The following RIMS3 variants were observed in gnomAD, a reference collection of about 807,000 sequenced individuals.
RIMS3 encodes regulating synaptic membrane exocytosis protein 3.
A neutral mutation model predicts 29.2 loss-of-function variants in RIMS3; 15 were observed. The ratio of observed to expected loss-of-function variants is 0.51; its 90% CI spans 0.34 to 0.79. RIMS3 has a LOEUF of 0.79. Among genes scored for constraint, RIMS3 ranks in the 30% least tolerant of loss-of-function variants. RIMS3 has a pLI of 0.01. For synonymous variants in RIMS3, 161 were observed against 170.1 expected (o/e 0.95, Z 0.41); for missense variants, 342 against 421.4 (o/e 0.81, Z 1.65).
chr1:40,679,293 A>G, the RIMS3 span, among the ~76,000 whole-genome samples: 4 of 152,080 alleles, frequency 2.6e-5, no homozygotes, highest in African/African-American at 9.7e-5. Context: ...TCCTCCCACC[A>G]TCCCCTCCCC....
At chr1:40,655,513 C>T (rs1285735890) in intron 1 of RIMS3, among the ~76,000 whole-genome samples, 1 of 152,178 alleles carries the variant, frequency 6.6e-6, no homozygotes, top group Admixed American at 6.5e-5. Context: ...CCAAAAGAAG[C>T]CCAAGCCAGG....
In RIMS3 at chr1:40,623,212, T is replaced by C; in HGVS notation, c.*3305A>G. The C allele has an allele frequency of 7.6e-6, 3 of 392,388 alleles. No individual in the cohort carries two copies. Among genetic ancestry groups the C allele is most frequent in the Non-Finnish European group, 4.5e-6 (1 of 222,730 alleles). The allele number at this position is 392,388 out of a possible 1,614,324, so 24.3% of individuals were successfully genotyped here. A position where few individuals can be genotyped will look rare whatever the true frequency, so the allele number is the denominator to read the frequency against. On this transcript the variant is annotated 3_prime_UTR_variant, in exon 8 of 8. Coordinates refer to ENST00000372684, the MANE Select transcript of RIMS3 (RefSeq NM_014747.3). ...ATCCCAAGAGCCTCCTAAGTGCTCC[T>C]TTCCTAGTAGAATTGGGTGGTAGAA...
At chr1:40,653,457 C>A (rs1240901648) in intron 1 of RIMS3, among the ~76,000 whole-genome samples, 1 of 152,094 alleles carries the variant, frequency 6.6e-6, no homozygotes, top group Non-Finnish European at 1.5e-5. Flanking sequence ...GCTCAGGATG[C>A]AGGAGGGAGG....
chr1:40,647,669 G>A lies in RIMS3; in HGVS notation c.-33C>T, dbSNP rs933949756. The A allele has an allele frequency of 6.6e-5, 10 of 152,134 alleles. No homozygotes were observed. The highest frequency in any genetic ancestry group is 2.1e-4 in the South Asian group (1 of 4,824). The allele number at this position is 152,134 out of a possible 1,614,324, so 9.4% of individuals were successfully genotyped here. A position where few individuals can be genotyped will look rare whatever the true frequency, so the allele number is the denominator to read the frequency against. On this transcript the variant is annotated splice_region_variant and 5_prime_UTR_variant, in exon 2 of 8. Coordinates refer to ENST00000372684, the MANE Select transcript of RIMS3 (RefSeq NM_014747.3). ...CACCTGGAAGAAAACCCAACTCACC[G>A]AACTGATGAATCTGAGCCTGGTGTT...
At chr1:40,646,732 C>T (rs1253631735) in intron 2 of RIMS3, among the ~76,000 whole-genome samples, 1 of 152,054 alleles carries the variant, frequency 6.6e-6, no homozygotes, top group Non-Finnish European at 1.5e-5. Flanking sequence ...TTCTTTTTAG[C>T]CCTTGGATGT....
intron 7 of RIMS3, among the ~76,000 whole-genome samples, chr1:40,627,703 A>G (rs1646464152): frequency 6.6e-6 from 1 of 151,532 alleles, no homozygotes; most frequent in South Asian, 2.1e-4. Flanking sequence ...CTGGGCTCAA[A>G]CAATCCTCCT....
At chr1:40,666,842 T>C (rs1273460561), upstream of RIMS3, among the ~76,000 whole-genome samples, 3 of 152,032 alleles carry the variant, frequency 2.0e-5, no homozygotes, top group Admixed American at 2.0e-4. Context: ...CTGGCCAACA[T>C]GGTGAAACCC....
intron 1 of RIMS3, among the ~76,000 whole-genome samples, chr1:40,652,626 G>A (rs1003499897): frequency 2.6e-5 from 4 of 152,204 alleles, no homozygotes; most frequent in Non-Finnish European, 5.9e-5. Context: ...ACACAGCAGC[G>A]CAGTTGGAGA....
At chr1:40,642,741 A>C (rs1305382164) in intron 2 of RIMS3, among the ~76,000 whole-genome samples, 1 of 151,582 alleles carries the variant, frequency 6.6e-6, no homozygotes, top group African/African-American at 2.4e-5. Flanking sequence ...GGATCACCTG[A>C]GGTCAGGAGT....
Position 40,633,041 on chromosome 1 carries a change from C to T in RIMS3, c.472+28G>A, listed in dbSNP as rs773160785. 3 of 1,575,246 alleles carry T rather than the reference C, an allele frequency of 1.9e-6. No individual in the cohort carries two copies. The South Asian group carries it at 3.3e-5, about 17-fold the overall frequency. On this transcript the variant is annotated intron_variant, in intron 5 of 7. Coordinates refer to ENST00000372684, the MANE Select transcript of RIMS3 (RefSeq NM_014747.3). ...TCCTGTCGCATGGTCACCATTACCC[C>T]ACTCAACCTGCCCTTAATAAGACTC...
chr1:40,627,199 C>A (rs1646459805), intron 7 of RIMS3, among the ~76,000 whole-genome samples: 1 of 152,266 alleles, frequency 6.6e-6, no homozygotes, highest in East Asian at 1.9e-4. Context: ...AAGCTCCATG[C>A]CCTCACTGGA....
intron 1 of RIMS3, among the ~76,000 whole-genome samples, chr1:40,653,417 T>G (rs1027702257): frequency 1.7e-4 from 26 of 152,096 alleles, no homozygotes; most frequent in Non-Finnish European, 3.4e-4. Flanking sequence ...TACAACACCC[T>G]GATATTGAGA....
chr1:40,668,512 C>T (rs959045323), upstream of RIMS3, among the ~76,000 whole-genome samples: 22 of 109,720 alleles, frequency 2.0e-4, no homozygotes, highest in East Asian at 3.4e-3. Context: ...GGGTTGGTGG[C>T]GGAGATCAAA....
At chr1:40,649,478 C>T (rs929729963) in intron 1 of RIMS3, among the ~76,000 whole-genome samples, 8 of 152,238 alleles carry the variant, frequency 5.3e-5, no homozygotes, top group East Asian at 3.8e-4. Context: ...CCCATGGCTC[C>T]GTGGGCAGGG....
At position 40,654,673 on chromosome 1, in the gene RIMS3, G is replaced by A. The variant is rs181029821; in HGVS notation, c.-206-6831C>T. Among the ~76,000 whole-genome samples the A allele has an allele frequency of 1.4e-3, 207 of 151,696 alleles. No homozygotes were observed. Among genetic ancestry groups the A allele is most frequent in the African/African-American group, 2.1e-3 (88 of 41,334 alleles). Reference sequence around the variant, plus strand: ...CACCCTGCCACACACACACAAACTCGCACGCTGCAGAAAAACTCCCTCGCA... The same window carrying A: ...CACCCTGCCACACACACACAAACTCACACGCTGCAGAAAAACTCCCTCGCA... On this transcript the variant is annotated intron_variant, in intron 1 of 7. Coordinates refer to ENST00000372684, the MANE Select transcript of RIMS3 (RefSeq NM_014747.3). The surrounding 1 kb of genome is among the most constrained non-coding windows in gnomAD (Gnocchi z 5.3).
In RIMS3 at chr1:40,642,570, C is replaced by G. The variant is rs538301050; in HGVS notation, c.-31-614G>C. On this transcript the variant is annotated intron_variant, in intron 2 of 7. Transcript: ENST00000372684. ...TCGTACTCTTGAGAGGCATTTTAGC[C>G]TATTCCCTTCCAGCCACCCTTCCAT... Among the ~76,000 whole-genome samples, 4 of 152,286 alleles carry G rather than the reference C, an allele frequency of 2.6e-5. No individual in the cohort carries two copies. In the East Asian group the frequency reaches 7.7e-4, roughly 29 times the overall value.
the RIMS3 span, among the ~76,000 whole-genome samples, chr1:40,685,705 A>C: frequency 6.6e-6 from 1 of 152,122 alleles, no homozygotes; most frequent in Non-Finnish European, 1.5e-5. Context: ...CTCAGGATGG[A>C]TTTCAGAACT....
the RIMS3 span, among the ~76,000 whole-genome samples, chr1:40,671,436 C>T: frequency 2.6e-5 from 4 of 152,106 alleles, no homozygotes; most frequent in Non-Finnish European, 5.9e-5. Flanking sequence ...TTGTAATCCC[C>T]AGTGTTGGAG....
At chr1:40,658,999 C>T (rs1053690356) in intron 1 of RIMS3, among the ~76,000 whole-genome samples, 1 of 152,198 alleles carries the variant, frequency 6.6e-6, no homozygotes, top group African/African-American at 2.4e-5. Context: ...GTCGGAGAAG[C>T]CCAGTGCAGT....
Sources: allele counts gnomAD v4.1 joint callset (sites outside exome capture counted in the v4.1 genomes callset), GRCh38; gene constraint gnomAD v4.1.1; non-coding constraint Gnocchi (gnomAD v3.1); transcripts MANE v1.5; gene names NCBI Gene and HGNC (gene_info 2026-07-23, HGNC 2026-07-21).